The following DPP10 variants were observed in gnomAD, a reference collection of about 807,000 sequenced individuals.
DPP10 encodes the protein dipeptidyl peptidase like 10.
A neutral mutation model predicts 120.9 loss-of-function variants in DPP10; 33 were observed. The observed-to-expected ratio is 0.27, with a 90% confidence interval of 0.21 to 0.37. The LOEUF (loss-of-function observed/expected upper bound fraction) is 0.37. Among genes scored for constraint, DPP10 ranks in the 10% least tolerant of loss-of-function variants. The pLI is 1.00. For synonymous variants in DPP10, 337 were observed against 326.1 expected, an observed-to-expected ratio of 1.03 and a Z score of -0.36; for missense variants, 816 against 942.8, an observed-to-expected ratio of 0.87 and a Z score of 1.76.
At chr2:115,685,411 A>G (rs371008055) in intron 5 of DPP10, among the ~76,000 whole-genome samples, 51 of 152,124 alleles carry the variant, frequency 3.4e-4, no homozygotes, top group South Asian at 2.9e-3. Context: ...TAATTGAACC[A>G]TGACCTACAA....
chr2:115,807,600 A>G (rs1053707044), intron 19 of DPP10, among the ~76,000 whole-genome samples: 4 of 152,314 alleles, frequency 2.6e-5, no homozygotes, highest in African/African-American at 9.6e-5. Flanking sequence ...GATAAAGAGC[A>G]AAATAGTATC....
chr2:115,438,710 T>G (rs1043486789), intron 3 of DPP10, among the ~76,000 whole-genome samples: 5 of 151,634 alleles, frequency 3.3e-5, no homozygotes, highest in African/African-American at 9.7e-5. Flanking sequence ...GGAAGCACAA[T>G]GTAGAATAGT....
At chr2:115,043,905 T>C (rs764003566) in intron 1 of DPP10, among the ~76,000 whole-genome samples, 2 of 152,166 alleles carry the variant, frequency 1.3e-5, no homozygotes, top group African/African-American at 4.8e-5. Context: ...TAATTTTTAA[T>C]TTGTATAGGT....
In DPP10 at chr2:115,810,152, A is replaced by G. The variant is rs1575849660; in HGVS notation, c.1701-4641A>G. On this transcript the variant is annotated intron_variant, in intron 19 of 25. Coordinates refer to ENST00000410059, the MANE Select transcript of DPP10 (RefSeq NM_020868.6). ...ACTCCAGCCTGGGCGACAGAGCGAG[A>G]CTCCATCTCGAAAAAAAAAAAAAAG... Among the ~76,000 whole-genome samples the G allele has an allele frequency of 4.0e-5, 6 of 149,686 alleles. No homozygotes were observed. The South Asian group carries it at 1.3e-3, about 32-fold the overall frequency.
chr2:115,215,413 A>AT (rs2056761879), intron 1 of DPP10, among the ~76,000 whole-genome samples: 1 of 152,188 alleles, frequency 6.6e-6, no homozygotes, highest in Non-Finnish European at 1.5e-5. Context: ...GCATTTGTGA[A>AT]TTTTATGGAA....
intron 1 of DPP10, among the ~76,000 whole-genome samples, chr2:114,949,880 T>A (rs1411572067): frequency 6.6e-6 from 1 of 152,178 alleles, no homozygotes; most frequent in Non-Finnish European, 1.5e-5. Flanking sequence ...TTTCCAAGGG[T>A]TTTCACAGTT....
chr2:115,475,311 G>A (rs905736741), intron 3 of DPP10, among the ~76,000 whole-genome samples: 2 of 152,178 alleles, frequency 1.3e-5, no homozygotes, highest in South Asian at 2.1e-4. Flanking sequence ...TACAACTCAG[G>A]CCACCACTTC....
At position 115,343,910 on chromosome 2, in the gene DPP10, A is replaced by C; in HGVS notation, c.269A>C (p.Asn90Thr). The change falls in exon 3 of 26, where the codon AAT becomes ACT. Residue 90 changes from asparagine to threonine, a missense_variant and splice_region_variant. Physicochemically the swap from Asn to Thr is moderately conservative, Grantham distance 65. This residue lies in a region of DPP10 where 182 missense variants were observed against 207.4 expected (regional missense o/e 0.88). Transcript: ENST00000410059. ...CACGATCCAGAGGCTCGGTGGATCA[A>C]TGGTAAGTGTATACCTTTTTAAACA... ...VLHDPEARWI[N>T]DTDVVYKSEN... is the part of the protein sequence containing the mutation. 1 of 1,608,864 alleles carries C rather than the reference A, an allele frequency of 6.2e-7. No homozygotes were observed. Among genetic ancestry groups the C allele is most frequent in the South Asian group, 1.1e-5 (1 of 90,460 alleles).
At chr2:115,643,058 T>G (rs368300674) in intron 5 of DPP10, among the ~76,000 whole-genome samples, 107 of 152,164 alleles carry the variant, frequency 7.0e-4, no homozygotes, top group African/African-American at 2.5e-3. Context: ...TTATTTAACA[T>G]GCATTAAAGG....
intron 3 of DPP10, among the ~76,000 whole-genome samples, chr2:115,451,473 C>T (rs1439458517): frequency 6.6e-6 from 1 of 151,838 alleles, no homozygotes; most frequent in East Asian, 1.9e-4. Flanking sequence ...TGCCAATTGT[C>T]TCTAGCTCCT....
At chr2:115,248,425 G>T (rs1267634427) in intron 1 of DPP10, among the ~76,000 whole-genome samples, 8 of 151,682 alleles carry the variant, frequency 5.3e-5, no homozygotes, top group African/African-American at 1.9e-4. Flanking sequence ...TTTTTAAGGG[G>T]CCTCTCTGAC....
intron 3 of DPP10, among the ~76,000 whole-genome samples, chr2:115,432,673 G>T (rs866086940): frequency 1.0e-4 from 15 of 148,224 alleles, no homozygotes; most frequent in Non-Finnish European, 2.1e-4. Flanking sequence ...GTGTGTGTGT[G>T]TGTGTGTGTG....
At chr2:114,652,119 G>A (rs557837983) in intron 1 of DPP10, among the ~76,000 whole-genome samples, 2 of 152,266 alleles carry the variant, frequency 1.3e-5, no homozygotes, top group East Asian at 1.9e-4. Flanking sequence ...CCCACATCCG[G>A]TAATCCTTTA....
At chr2:115,087,533 C>CT (rs1310507943) in intron 1 of DPP10, among the ~76,000 whole-genome samples, 41,222 of 89,860 alleles carry the variant, frequency 0.46, 11,311 homozygotes, top group Non-Finnish European at 0.61. Context: ...CTTTTCTTTT[C>CT]TTTTCTTTTT....
intron 1 of DPP10, among the ~76,000 whole-genome samples, chr2:115,201,593 A>G (rs2055726633): frequency 6.6e-6 from 1 of 152,260 alleles, no homozygotes; most frequent in South Asian, 2.1e-4. Flanking sequence ...GTGTCTAGAC[A>G]TAAACAGAAG....
chr2:114,653,589 C>T (rs1696766219), intron 1 of DPP10, among the ~76,000 whole-genome samples: 1 of 152,114 alleles, frequency 6.6e-6, no homozygotes, highest in Non-Finnish European at 1.5e-5. Flanking sequence ...TTTTGTTTAA[C>T]ATTTGATCCA....
intron 3 of DPP10, among the ~76,000 whole-genome samples, chr2:115,498,186 A>C (rs1355802996): frequency 3.9e-5 from 6 of 152,058 alleles, no homozygotes; most frequent in Admixed American, 3.9e-4. Flanking sequence ...AAGGTCAAGA[A>C]CTACTGGCCC....
At chr2:114,771,231 G>A (rs1181393186) in intron 1 of DPP10, among the ~76,000 whole-genome samples, 3 of 152,144 alleles carry the variant, frequency 2.0e-5, no homozygotes, top group East Asian at 1.9e-4. Flanking sequence ...TTCTGAAATC[G>A]TCTCAGTTGA....
At chr2:115,343,409 A>G (rs1403517177) in intron 2 of DPP10, among the ~76,000 whole-genome samples, 1 of 152,146 alleles carries the variant, frequency 6.6e-6, no homozygotes, top group Non-Finnish European at 1.5e-5. Context: ...CAAGTCTACC[A>G]TCTTTGGTTT....
Sources: gnomAD v4.1 joint callset for allele counts (sites outside exome capture counted in the v4.1 genomes callset) on GRCh38, gnomAD v4.1.1 for gene constraint, gnomAD v4.1.1 regional missense constraint, MANE v1.5 for transcripts, NCBI Gene and HGNC (gene_info 2026-07-23, HGNC 2026-07-21) for gene names.